The following EIF4G3 variants were observed in gnomAD, a reference collection of about 807,000 sequenced individuals.
EIF4G3 encodes eIF-4-gamma 3.
A neutral mutation model predicts 186.4 loss-of-function variants in EIF4G3; 34 were observed. The observed-to-expected ratio is 0.18, with a 90% CI of 0.14 to 0.24. The LOEUF is 0.24. Ranked by LOEUF, EIF4G3 falls within the 10% of genes least tolerant of loss-of-function variation. EIF4G3 has a pLI of 1.00. For synonymous variants in EIF4G3, 673 were observed against 679.5 expected, an observed-to-expected ratio of 0.99 and a Z score of 0.15; for missense variants, 1,536 against 1,948.5, an observed-to-expected ratio of 0.79 and a Z score of 3.99.
chr1:20,966,870 GTC>G (rs1188753244), intron 12 of EIF4G3, among the ~76,000 whole-genome samples: 2 of 152,070 alleles, frequency 1.3e-5, no homozygotes, highest in Admixed American at 1.3e-4. Context: ...TCTAGTACAC[GTC>G]TCTGTTAAAA....
At chr1:21,156,715 T>A (rs1000964404) in intron 2 of EIF4G3, among the ~76,000 whole-genome samples, 4 of 152,222 alleles carry the variant, frequency 2.6e-5, no homozygotes, top group Admixed American at 6.5e-5. Context: ...GCTTTCATGA[T>A]ATGATCACCC....
chr1:21,058,143 C>T (rs2154578219), intron 3 of EIF4G3, among the ~76,000 whole-genome samples: 1 of 152,272 alleles, frequency 6.6e-6, no homozygotes, highest in East Asian at 1.9e-4. Flanking sequence ...GTTTCCTTAA[C>T]ATGATCATTC....
intron 2 of EIF4G3, among the ~76,000 whole-genome samples, chr1:21,106,688 T>A (rs2096624151): frequency 6.6e-6 from 1 of 151,626 alleles, no homozygotes; most frequent in African/African-American, 2.4e-5. Flanking sequence ...GATACAAATT[T>A]GAAAGTAATG....
At chr1:20,923,978 T>TA (rs2094683873) in intron 14 of EIF4G3, among the ~76,000 whole-genome samples, 1 of 152,172 alleles carries the variant, frequency 6.6e-6, no homozygotes, top group African/African-American at 2.4e-5. Flanking sequence ...ATCAATCTAT[T>TA]AACCAATTTA....
intron 7 of EIF4G3, among the ~76,000 whole-genome samples, chr1:20,987,681 C>A (rs1385061009): frequency 6.6e-6 from 1 of 152,204 alleles, no homozygotes; most frequent in Non-Finnish European, 1.5e-5. Flanking sequence ...CACCTACTGT[C>A]TGTTGTCCCC....
chr1:20,935,471 A>G (rs998113278), intron 14 of EIF4G3, among the ~76,000 whole-genome samples: 1 of 152,248 alleles, frequency 6.6e-6, no homozygotes, highest in Non-Finnish European at 1.5e-5. Flanking sequence ...ATGCATTAGT[A>G]GAGAGAATTA....
chr1:21,128,610 C>G (rs1008432129), intron 2 of EIF4G3, among the ~76,000 whole-genome samples: 4 of 152,200 alleles, frequency 2.6e-5, no homozygotes, highest in African/African-American at 9.7e-5. Flanking sequence ...AGCAATTATC[C>G]AGGTTCTTTG....
chr1:20,919,677 G>A (rs2094310229), intron 14 of EIF4G3, among the ~76,000 whole-genome samples: 1 of 152,112 alleles, frequency 6.6e-6, no homozygotes, highest in Admixed American at 6.5e-5. Flanking sequence ...ATATCATAAA[G>A]TAAATTAGAA....
At chr1:21,175,248 T>C (rs1457160688) in intron 2 of EIF4G3, 1 of 152,228 alleles carries the variant, frequency 6.6e-6, no homozygotes, top group East Asian at 1.9e-4. Flanking sequence ...TTCAACGTTT[T>C]ACCTTCACCG....
intron 2 of EIF4G3, among the ~76,000 whole-genome samples, chr1:21,098,595 C>T (rs1273591006): frequency 7.3e-6 from 1 of 136,540 alleles, no homozygotes; most frequent in Non-Finnish European, 1.6e-5. Flanking sequence ...AGAAACTAAA[C>T]ACTCAATAAC....
intron 21 of EIF4G3, 140 bp downstream of exon 21, chr1:20,864,976 A>G (rs2077237801): frequency 1.0e-6 from 1 of 957,678 alleles, no homozygotes; most frequent in African/African-American, 1.6e-5. Flanking sequence ...CCTAAACATT[A>G]ATATGTTGTT....
intron 4 of EIF4G3, among the ~76,000 whole-genome samples, chr1:21,009,743 C>T (rs953070375): frequency 2.0e-5 from 3 of 151,816 alleles, no homozygotes; most frequent in African/African-American, 7.3e-5. Context: ...CAACCTCCAC[C>T]TCCCGGGTTC....
At chr1:21,173,251 C>T (rs2098025598) in intron 2 of EIF4G3, among the ~76,000 whole-genome samples, 1 of 150,688 alleles carries the variant, frequency 6.6e-6, no homozygotes, top group Non-Finnish European at 1.5e-5. Context: ...GGCTGGAGCG[C>T]AGTGGTGCAG....
chr1:20,942,441 A>G (rs1386404665), intron 13 of EIF4G3, 111 bp from the exon 14 acceptor site: 2 of 1,079,464 alleles, frequency 1.9e-6, no homozygotes, highest in African/African-American at 3.2e-5. Flanking sequence ...CAGAACAGAG[A>G]CCAATATATT....
At chr1:21,148,938 G>A (rs77585769) in intron 2 of EIF4G3, among the ~76,000 whole-genome samples, 8,421 of 151,692 alleles carry the variant, frequency 0.056, 754 homozygotes, top group African/African-American at 0.19. Flanking sequence ...TTTTTGAAAT[G>A]TGACTATACT....
At chr1:20,950,140 T>A in intron 12 of EIF4G3, 29 bp from the exon 13 acceptor site, 3 of 1,523,068 alleles carry the variant, frequency 2.0e-6, no homozygotes, top group Non-Finnish European at 2.6e-6. Context: ...AAAAGGGTGA[T>A]AATGAGCGTG....
At chr1:21,174,223 A>C (rs1489641190) in intron 2 of EIF4G3, among the ~76,000 whole-genome samples, 1 of 152,214 alleles carries the variant, frequency 6.6e-6, no homozygotes. Flanking sequence ...ACTTAAATTT[A>C]TCTCTTTAAC....
At chr1:21,171,461 A>G (rs934166448) in intron 2 of EIF4G3, among the ~76,000 whole-genome samples, 2 of 152,210 alleles carry the variant, frequency 1.3e-5, no homozygotes, top group African/African-American at 4.8e-5. Flanking sequence ...CACTGAAGTT[A>G]GAGAGGTGCT....
chr1:20,938,369 A>C (rs2095588031), intron 14 of EIF4G3, among the ~76,000 whole-genome samples: 1 of 152,206 alleles, frequency 6.6e-6, no homozygotes, highest in Admixed American at 6.5e-5. Context: ...AGCAGAACTA[A>C]AAGATACCAT....
Sources: allele counts gnomAD v4.1 joint callset (sites outside exome capture counted in the v4.1 genomes callset), GRCh38; gene constraint gnomAD v4.1.1; transcripts MANE v1.5; gene names NCBI Gene and HGNC (gene_info 2026-07-23, HGNC 2026-07-21).